The following NCOA6 variants were observed in gnomAD, a reference collection of about 807,000 sequenced individuals.
NCOA6 encodes NRC RAP250.
In NCOA6, 49 loss-of-function variants were observed where a neutral mutation model predicts 171.4. The ratio of observed to expected loss-of-function variants is 0.29; its 90% CI spans 0.23 to 0.36. NCOA6 has a LOEUF of 0.36. NCOA6 is among the 10% of genes least tolerant of loss of function. The pLI is 1.00. For synonymous variants in NCOA6, 910 were observed against 927.5 expected (o/e 0.98, Z 0.34); for missense variants, 2,248 against 2,554.5 (o/e 0.88, Z 2.59).
chr20:34,796,757 CATTCCAGCATGCCGGA>C (rs1332388530), intron 1 of NCOA6, among the ~76,000 whole-genome samples: 3 of 151,908 alleles, frequency 2.0e-5, no homozygotes, highest in Admixed American at 1.3e-4. Context: ...CCATGATCAG[CATTCCAGCATGCCGGA>C]ATTCCACTGC....
At chr20:34,757,133 C>T (rs1247427233) in intron 7 of NCOA6, 87 bp downstream of exon 7, 6 of 1,348,802 alleles carry the variant, frequency 4.4e-6, no homozygotes, top group Non-Finnish European at 6.0e-6. Flanking sequence ...CCTTACTCCA[C>T]TCCCTCCATT....
chr20:34,737,276 A>G (rs1478874957), intron 11 of NCOA6, among the ~76,000 whole-genome samples: 2 of 152,226 alleles, frequency 1.3e-5, no homozygotes, highest in African/African-American at 4.8e-5. Flanking sequence ...ATTCATACAT[A>G]ATAAATAAAT....
intron 1 of NCOA6, among the ~76,000 whole-genome samples, chr20:34,798,528 T>C (rs1426678477): frequency 6.6e-6 from 1 of 152,230 alleles, no homozygotes; most frequent in Non-Finnish European, 1.5e-5. Flanking sequence ...CCCAGTGCTG[T>C]GCTGGCTTTA....
Position 34,783,341 on chromosome 20 carries a change from C to T in NCOA6, c.-49-937G>A, listed in dbSNP as rs74853761. Among the ~76,000 whole-genome samples, 392 of 152,118 alleles carry T rather than the reference C, an allele frequency of 2.6e-3. 1 individual carries two copies. Among genetic ancestry groups the T allele is most frequent in the African/African-American group, 8.8e-3 (366 of 41,512 alleles). ...TTTATGGAGGTAAAGAACTGTGTTC[C>T]GGACAGAATTAAATTGCTTCCTAAA... On this transcript the variant is annotated intron_variant, in intron 2 of 14. Coordinates refer to ENST00000359003, the MANE Select transcript of NCOA6 (RefSeq NM_014071.5).
chr20:34,760,109 C>A (rs1402015322), intron 5 of NCOA6, among the ~76,000 whole-genome samples: 3 of 152,110 alleles, frequency 2.0e-5, no homozygotes, highest in Non-Finnish European at 4.4e-5. Flanking sequence ...AAGACCCCAT[C>A]TCTACAAAAA....
rs760432695 is a variant in NCOA6 at position 34,750,531 on chromosome 20, A to C, written c.1676-12T>G. On this transcript the variant is annotated splice_polypyrimidine_tract_variant and intron_variant, in intron 8 of 14. Coordinates refer to ENST00000359003, the MANE Select transcript of NCOA6 (RefSeq NM_014071.5). ...AGCTCCTTGACCACCTTAAAAAAAAAAAAAGTCACAGTTTCAGAAATAAAT... is the reference window on the plus strand; with the variant it reads ...AGCTCCTTGACCACCTTAAAAAAAACAAAAGTCACAGTTTCAGAAATAAAT... 1 of 1,555,432 alleles carries C rather than the reference A, an allele frequency of 6.4e-7. No homozygotes were observed. The highest frequency in any genetic ancestry group is 8.6e-7 in the Non-Finnish European group (1 of 1,156,126).
intron 1 of NCOA6, among the ~76,000 whole-genome samples, chr20:34,812,114 G>T (rs1043661509): frequency 6.6e-6 from 1 of 151,934 alleles, no homozygotes; most frequent in East Asian, 1.9e-4. Context: ...TTAGCTGGGC[G>T]TGGTGGCATG....
chr20:34,768,356 GATGTTAAGT>G lies in NCOA6; in HGVS notation c.514+99_514+107del. On this transcript the variant is annotated intron_variant, in intron 5 of 14. Transcript: ENST00000359003. ...TAGCTTTCCTGATTCAGCAAATAGAGATGTTAAGTATGCCATGAACCCCCACCTATCTTG... is the reference window on the plus strand; with the variant it reads ...TAGCTTTCCTGATTCAGCAAATAGAGATGCCATGAACCCCCACCTATCTTG... The G allele has an allele frequency of 4.4e-6, 6 of 1,378,180 alleles. No individual in the cohort carries two copies. The Middle Eastern group carries it at 1.1e-3, about 257-fold the overall frequency. The allele number at this position is 1,378,180 out of a possible 1,614,324, so 85.4% of individuals were successfully genotyped here.
chr20:34,717,540 G>A (rs1988763286), intron 14 of NCOA6, among the ~76,000 whole-genome samples: 1 of 152,078 alleles, frequency 6.6e-6, no homozygotes, highest in African/African-American at 2.4e-5. Flanking sequence ...CTCTGTTGGT[G>A]GAAATTTCAG....
Position 34,757,578 on chromosome 20 carries a change from A to G in NCOA6, c.1170T>C (p.Phe390=). ...ACTGGCCTGGGTTGCTCATCTGAGG[A>G]AAGTTTGTGTGGGCTTGTGAGGCTT... is the stretch of plus-strand genomic sequence containing the variant. ...SQQASQAHTN[F]PQMSNPGQFT... is the part of the protein sequence containing the mutation. Residue 390 remains phenylalanine, a synonymous_variant, in exon 7 of 15, where the codon TTT becomes TTC. Transcript: ENST00000359003. 6.2e-7 allele frequency: 1 copy of G among 1,613,854 alleles called. No individual in the cohort carries two copies. The highest frequency in any genetic ancestry group is 8.5e-7 in the Non-Finnish European group (1 of 1,179,900).
At chr20:34,759,806 T>G (rs556867504) in intron 5 of NCOA6, among the ~76,000 whole-genome samples, 16 of 152,170 alleles carry the variant, frequency 1.1e-4, no homozygotes, top group Non-Finnish European at 2.2e-4. Context: ...AGACTATATA[T>G]TTAGAATTGC....
Position 34,742,754 on chromosome 20 carries a change from G to A in NCOA6, c.3502C>T (p.Pro1168Ser). 1 of 1,614,150 alleles carries A rather than the reference G, an allele frequency of 6.2e-7. No individual in the cohort carries two copies. The highest frequency in any genetic ancestry group is 8.5e-7 in the Non-Finnish European group (1 of 1,180,030). The change falls in exon 11 of 15, where the codon CCT becomes TCT. Residue 1168 changes from proline (P) to serine (S), a missense_variant. Physicochemically the swap from Pro to Ser is moderately conservative, Grantham distance 74 (BLOSUM62 -1). This residue lies in a region of NCOA6 where 352 missense variants were observed against 419.1 expected (regional missense o/e 0.84). Transcript: ENST00000359003. ...GTTGCTGAAAGGGGCGATGGTCCAG[G>A]TTTTGGCCCTGTCATCATTAACTGA... ...QNQLMMTGPKPGPSPLSATQG... is the reference protein window; with the variant it reads ...QNQLMMTGPKSGPSPLSATQG...
chr20:34,772,509 C>A (rs2077182141), intron 4 of NCOA6, among the ~76,000 whole-genome samples: 1 of 152,162 alleles, frequency 6.6e-6, no homozygotes, highest in Non-Finnish European at 1.5e-5. Flanking sequence ...GAAAACCTCA[C>A]ATTTATCAAA....
At position 34,721,750 on chromosome 20, in the gene NCOA6, G is replaced by A. The variant is rs563124683; in HGVS notation, c.6148+5509C>T. On this transcript the variant is annotated intron_variant, in intron 14 of 14. Transcript: ENST00000359003. Reference sequence around the variant, plus strand: ...ACTACCAACCAGTCCATGGCCCGGGGATTGGGGACCACTGCTTTAAAATAT... The same window carrying A: ...ACTACCAACCAGTCCATGGCCCGGGAATTGGGGACCACTGCTTTAAAATAT... Among the ~76,000 whole-genome samples, 7 of 152,264 alleles carry A rather than the reference G, an allele frequency of 4.6e-5. No individual in the cohort carries two copies. In the South Asian group the frequency reaches 6.2e-4, roughly 14 times the overall value.
chr20:34,729,696 T>G (rs1990378441), intron 13 of NCOA6, among the ~76,000 whole-genome samples: 1 of 152,194 alleles, frequency 6.6e-6, no homozygotes, highest in South Asian at 2.1e-4. Flanking sequence ...CCCATCAGAT[T>G]GTACATCGTG....
chr20:34,791,306 T>G (rs1287994768), intron 2 of NCOA6, among the ~76,000 whole-genome samples: 1 of 152,270 alleles, frequency 6.6e-6, no homozygotes, highest in African/African-American at 2.4e-5. Flanking sequence ...TAATTTTTCT[T>G]GTATCTTTTT....
intron 5 of NCOA6, among the ~76,000 whole-genome samples, chr20:34,764,009 ATTTTT>A (rs11471838): frequency 1.1e-3 from 113 of 107,240 alleles, no homozygotes; most frequent in Middle Eastern, 5.2e-3. Flanking sequence ...CACCTTTGAC[ATTTTT>A]TTTTTTTTTT....
chr20:34,773,487 T>G (rs1286871757), intron 4 of NCOA6, among the ~76,000 whole-genome samples: 1 of 152,056 alleles, frequency 6.6e-6, no homozygotes, highest in African/African-American at 2.4e-5. Context: ...AAAATTTTGC[T>G]CTTGTCGCCC....
rs2078302087 is a variant in NCOA6 at position 34,802,869 on chromosome 20, A to G, written c.-163-10306T>C. Among the ~76,000 whole-genome samples, 3 of 152,172 alleles carry G rather than the reference A, an allele frequency of 2.0e-5. No individual in the cohort carries two copies. The South Asian group carries it at 6.2e-4, about 32-fold the overall frequency. The stretch of plus-strand genomic sequence containing the variant: ...CACCCTGCTGCCCAGGCTAAAGGAC[A>G]GTGGCACAATTCCCAGCTCAATGCA... On this transcript the variant is annotated intron_variant, in intron 1 of 14. Coordinates refer to ENST00000359003, the MANE Select transcript of NCOA6 (RefSeq NM_014071.5).
Sources: gnomAD v4.1 joint callset for allele counts (sites outside exome capture counted in the v4.1 genomes callset) on GRCh38, gnomAD v4.1.1 for gene constraint, gnomAD v4.1.1 regional missense constraint, MANE v1.5 for transcripts, NCBI Gene and HGNC (gene_info 2026-07-23, HGNC 2026-07-21) for gene names.